Variants in CEP128 observed in about 807,000 individuals in gnomAD.
The protein encoded by CEP128 is centrosomal protein 128, also known as centrosomal protein 128kDa.
A neutral mutation model predicts 156.7 loss-of-function variants in CEP128; 132 were observed. The ratio of observed to expected loss-of-function variants is 0.84; its 90% CI spans 0.73 to 0.97. CEP128 has a LOEUF of 0.97. Among genes scored for constraint, CEP128 ranks in the 50% least tolerant of loss-of-function variants. The probability of loss-of-function intolerance (pLI) is 0.00; values close to 1 mark genes in which losing one functional copy is unlikely to be tolerated. For missense variants in CEP128, 1,252 were observed against 1,281.9 expected (o/e 0.98, Z 0.36); for synonymous variants, 469 against 448.9 (o/e 1.04, Z -0.57).
intron 19 of CEP128, among the ~76,000 whole-genome samples, chr14:80,617,388 G>A (rs1893267339): frequency 1.3e-5 from 2 of 151,592 alleles, no homozygotes; most frequent in Non-Finnish European, 2.9e-5. Context: ...AAGACGCCAC[G>A]CCTGGCTAAT....
At chr14:80,589,980 G>A (rs543766876) in intron 19 of CEP128, among the ~76,000 whole-genome samples, 37 of 152,112 alleles carry the variant, frequency 2.4e-4, no homozygotes, top group South Asian at 2.3e-3. Context: ...GGTAACAAGC[G>A]TTTTACAATT....
At chr14:80,909,969 C>G (rs916799921) in intron 4 of CEP128, among the ~76,000 whole-genome samples, 8 of 151,994 alleles carry the variant, frequency 5.3e-5, no homozygotes, top group African/African-American at 1.9e-4. Context: ...TGTTATTTTC[C>G]TAAAACTAAT....
At chr14:80,543,126 AC>A (rs1889838083) in intron 21 of CEP128, among the ~76,000 whole-genome samples, 1 of 152,212 alleles carries the variant, frequency 6.6e-6, no homozygotes. Context: ...TTTTATTTTT[AC>A]CATTGTGGCA....
chr14:80,735,969 A>AT (rs989004881), intron 19 of CEP128, among the ~76,000 whole-genome samples: 1 of 152,036 alleles, frequency 6.6e-6, no homozygotes, highest in South Asian at 2.1e-4. Flanking sequence ...TAGAACCTTA[A>AT]TTTTTTCCAG....
At chr14:80,504,452 A>C (rs2371294) in intron 24 of CEP128, among the ~76,000 whole-genome samples, 119,110 of 152,164 alleles carry the variant, frequency 0.78, 48,926 homozygotes, top group Middle Eastern at 0.9. Flanking sequence ...GGACTCATAC[A>C]TTGTTGATAT....
chr14:80,836,392 T>G (rs1225670175), intron 11 of CEP128, 55 bp from the exon 12 acceptor site: 5 of 1,602,380 alleles, frequency 3.1e-6, no homozygotes, highest in Non-Finnish European at 3.4e-6. Context: ...AAAGACCTAC[T>G]TCAAATGGGC....
intron 8 of CEP128, among the ~76,000 whole-genome samples, chr14:80,886,749 A>G (rs905627565): frequency 1.3e-5 from 2 of 152,226 alleles, no homozygotes; most frequent in Admixed American, 6.5e-5. Flanking sequence ...AGCTAGCATC[A>G]TAATGACAGG....
chr14:80,774,982 T>C (rs1383638004), intron 16 of CEP128, among the ~76,000 whole-genome samples: 1 of 152,170 alleles, frequency 6.6e-6, no homozygotes, highest in Admixed American at 6.5e-5. Flanking sequence ...TACTAACACA[T>C]CATTAGGCTG....
At chr14:80,649,126 C>T (rs1307128406) in intron 19 of CEP128, among the ~76,000 whole-genome samples, 1 of 152,030 alleles carries the variant, frequency 6.6e-6, no homozygotes, top group Non-Finnish European at 1.5e-5. Context: ...GGCAAGCAGG[C>T]AAGATGCTGC....
intron 8 of CEP128, among the ~76,000 whole-genome samples, chr14:80,863,088 G>A (rs899877257): frequency 3.9e-5 from 6 of 152,048 alleles, no homozygotes; most frequent in African/African-American, 9.7e-5. Context: ...CCAAATAATC[G>A]ACACCTGGAT....
At chr14:80,498,216 C>G (rs1035508855) in intron 24 of CEP128, among the ~76,000 whole-genome samples, 1 of 152,158 alleles carries the variant, frequency 6.6e-6, no homozygotes, top group East Asian at 1.9e-4. Context: ...TAAGAGCGAG[C>G]TCTAATGACT....
chr14:80,651,913 T>G (rs1894921351), intron 19 of CEP128, among the ~76,000 whole-genome samples: 1 of 152,040 alleles, frequency 6.6e-6, no homozygotes, highest in South Asian at 2.1e-4. Context: ...GGTGGAGAGT[T>G]CTGTAGATAT....
chr14:80,619,705 GTT>G (rs1893392721), intron 19 of CEP128, among the ~76,000 whole-genome samples: 1 of 100,270 alleles, frequency 1.0e-5, no homozygotes, highest in Non-Finnish European at 2.1e-5. Flanking sequence ...TCTGTCTCAA[GTT>G]AAAAAAAAAA....
chr14:80,867,148 T>C (rs1887806070), intron 8 of CEP128, among the ~76,000 whole-genome samples: 1 of 152,198 alleles, frequency 6.6e-6, no homozygotes, highest in African/African-American at 2.4e-5. Context: ...GAAGCCATTA[T>C]TTAGTAAAAT....
At chr14:80,589,778 A>G (rs937201079) in intron 19 of CEP128, among the ~76,000 whole-genome samples, 23 of 152,274 alleles carry the variant, frequency 1.5e-4, no homozygotes, top group Admixed American at 1.5e-3. Context: ...AGAACTGTTT[A>G]CCACTATATC....
intron 18 of CEP128, among the ~76,000 whole-genome samples, chr14:80,745,160 T>A (rs928386938): frequency 6.6e-6 from 1 of 152,006 alleles, no homozygotes; most frequent in South Asian, 2.1e-4. Context: ...AGTCAGTGAG[T>A]TCTCAGGAGA....
At chr14:80,861,424 A>G (rs750245855) in intron 9 of CEP128, among the ~76,000 whole-genome samples, 5 of 152,112 alleles carry the variant, frequency 3.3e-5, no homozygotes, top group Non-Finnish European at 7.4e-5. Context: ...TCAAGTGTTC[A>G]GTTTTCACCA....
rs994982136 is a variant in CEP128 at position 80,811,657 on chromosome 14, ATGTG to A, written c.1210-18551_1210-18548del. Among the ~76,000 whole-genome samples the A allele has an allele frequency of 1.4e-3, 207 of 148,022 alleles. 1 individual carries two copies. The highest frequency in any genetic ancestry group is 4.2e-3 in the African/African-American group (167 of 40,128). On this transcript the variant is annotated intron_variant, in intron 13 of 24. Transcript: ENST00000555265. ...CCCTAGTTTGTGTGTTTGTGTGTGT[ATGTG>A]TGTGTGTACAGACATATGTGTGTGT...
At chr14:80,874,712 G>A (rs1236932014) in intron 8 of CEP128, among the ~76,000 whole-genome samples, 2 of 152,076 alleles carry the variant, frequency 1.3e-5, no homozygotes, top group Admixed American at 6.6e-5. Context: ...CCACCTCCCG[G>A]GTTCACGCCA....
Sources: allele counts gnomAD v4.1 joint callset (sites outside exome capture counted in the v4.1 genomes callset), GRCh38; gene constraint gnomAD v4.1.1; transcripts MANE v1.5; gene names NCBI Gene and HGNC (gene_info 2026-07-23, HGNC 2026-07-21).